The following FBN1 variants were observed in gnomAD, a reference collection of about 807,000 sequenced individuals.
The protein encoded by FBN1 is fibrillin 1, also known as fibrillin-1.
In FBN1, 29 loss-of-function variants were observed where a neutral mutation model predicts 365.1. That is an observed-to-expected ratio of 0.08 (90% CI 0.06 to 0.11). The LOEUF (loss-of-function observed/expected upper bound fraction) is 0.11, where lower values mean the gene tolerates loss of function less well. FBN1 is among the 10% of genes least tolerant of loss of function. The probability of loss-of-function intolerance (pLI) is 1.00; values close to 1 mark genes in which losing one functional copy is unlikely to be tolerated. For missense variants in FBN1, 2,476 were observed against 3,703.2 expected (o/e 0.67, Z 8.60); for synonymous variants, 1,210 against 1,270.5 (o/e 0.95, Z 1.01).
rs2043607159 is a variant in FBN1, at chr15:48,496,185, A to G, written c.2334T>C (p.Asn778=). ...ECVLNSLLCD[N]GQCRNTPGSF... ...TTCCAGGAGTATTTCTACATTGTCC[A>G]TTGTCACAAAGGAGACTGTTCAGTA... Residue 778 remains asparagine (N), a synonymous_variant, in exon 20 of 66, where the codon AAT becomes AAC. Transcript: ENST00000316623. 1.9e-6 allele frequency: 3 copies of G among 1,613,758 alleles called. No homozygotes were observed. The highest frequency in any genetic ancestry group is 2.5e-6 in the Non-Finnish European group (3 of 1,179,736).
At position 48,595,638 on chromosome 15, in the gene FBN1, C is replaced by T. The variant is rs147831983; in HGVS notation, c.538+645G>A. On this transcript the variant is annotated intron_variant, in intron 6 of 65. Transcript: ENST00000316623. ...GACTTGAAGAGACAAAACACACATTCAAATTAAAGGTTTCTTATGTATGTG... is the reference window on the plus strand; with the variant it reads ...GACTTGAAGAGACAAAACACACATTTAAATTAAAGGTTTCTTATGTATGTG... 5.2e-3 allele frequency among the ~76,000 whole-genome samples: 791 copies of T among 152,268 alleles called. 8 individuals carry two copies. The highest frequency in any genetic ancestry group is 0.019 in the African/African-American group (769 of 41,556).
chr15:48,445,946 T>C (rs1236308867), intron 47 of FBN1, among the ~76,000 whole-genome samples: 8 of 152,176 alleles, frequency 5.3e-5, no homozygotes, highest in Non-Finnish European at 8.8e-5. Flanking sequence ...TAGTATGTTT[T>C]AGAAGGAGAT....
chr15:48,461,657 G>C (rs544052795), intron 42 of FBN1, among the ~76,000 whole-genome samples: 61 of 152,118 alleles, frequency 4.0e-4, no homozygotes, highest in Non-Finnish European at 7.9e-4. Context: ...ACCTAAAGTT[G>C]TAAAGACCAT....
chr15:48,432,782 C>T, intron 55 of FBN1, 84 bp downstream of exon 55: 2 of 1,542,444 alleles, frequency 1.3e-6, no homozygotes, highest in South Asian at 1.1e-5. Flanking sequence ...TCCCAGCCTT[C>T]TCCTACTAAG....
intron 63 of FBN1, among the ~76,000 whole-genome samples, chr15:48,417,002 T>TGAAGAAAGTGAGGC (rs1295101938): frequency 1.2e-4 from 18 of 152,334 alleles, no homozygotes. Context: ...GTTTTACAGC[T>TGAAGAAAGTGAGGC]GAAGAAAGTG....
At chr15:48,547,682 G>C (rs1266824900) in intron 6 of FBN1, among the ~76,000 whole-genome samples, 1 of 148,292 alleles carries the variant, frequency 6.7e-6, no homozygotes, top group Non-Finnish European at 1.5e-5. Flanking sequence ...TGTGCTAATA[G>C]ATATGTGGTA....
chr15:48,605,935 GA>G (rs2044604443), intron 4 of FBN1, among the ~76,000 whole-genome samples: 1 of 152,026 alleles, frequency 6.6e-6, no homozygotes. Flanking sequence ...ACCTTTCACT[GA>G]AAAAGATATA....
chr15:48,567,688 T>C (rs2044267440), intron 6 of FBN1, among the ~76,000 whole-genome samples: 1 of 152,158 alleles, frequency 6.6e-6, no homozygotes, highest in Non-Finnish European at 1.5e-5. Context: ...ATACACCATA[T>C]TAATAGAATA....
intron 17 of FBN1, among the ~76,000 whole-genome samples, chr15:48,500,625 A>G (rs2043646470): frequency 6.6e-6 from 1 of 152,200 alleles, no homozygotes; most frequent in African/African-American, 2.4e-5. Flanking sequence ...GTAGGTGTTG[A>G]TGAGCTAACT....
At chr15:48,415,169 C>G (rs2042892308) in intron 64 of FBN1, among the ~76,000 whole-genome samples, 1 of 152,134 alleles carries the variant, frequency 6.6e-6, no homozygotes, top group African/African-American at 2.4e-5. Context: ...CTCCCTGCCC[C>G]AGGAGAAGAG....
chr15:48,555,074 C>T (rs1292748959), intron 6 of FBN1, among the ~76,000 whole-genome samples: 2 of 152,272 alleles, frequency 1.3e-5, no homozygotes, highest in African/African-American at 4.8e-5. Flanking sequence ...AGATGTTATG[C>T]AGTATGTTCT....
chr15:48,470,754 T>C lies in FBN1; in HGVS notation c.4339A>G (p.Ile1447Val). The part of the protein sequence containing the change: ...PSADGKACED[I>V]DECSLPNICV... ...ATGTTCGGAAGGGAGCACTCATCAA[T>C]ATCTTGGGGGGAGGGAGAAAAAAGC... Residue 1447 changes from isoleucine (I) to valine (V), a missense_variant and splice_region_variant, in exon 36 of 66, where the codon ATT (isoleucine) becomes GTT (valine). Transcript: ENST00000316623. The C allele has an allele frequency of 5.6e-6, 9 of 1,613,986 alleles. No individual in the cohort carries two copies. Among genetic ancestry groups the C allele is most frequent in the Non-Finnish European group, 7.6e-6 (9 of 1,179,986 alleles).
intron 6 of FBN1, among the ~76,000 whole-genome samples, chr15:48,591,625 C>A (rs1163855688): frequency 6.6e-6 from 1 of 152,186 alleles, no homozygotes; most frequent in Non-Finnish European, 1.5e-5. Context: ...TGCAAGAATC[C>A]TTTCTTTTGC....
At chr15:48,645,252 G>T (rs558782478) in intron 1 of FBN1, among the ~76,000 whole-genome samples, 1 of 152,278 alleles carries the variant, frequency 6.6e-6, no homozygotes, top group Non-Finnish European at 1.5e-5. Context: ...TTAGCGGCAC[G>T]AATTGCGCGC....
chr15:48,489,009 A>G lies in FBN1; in HGVS notation c.3083-516T>C, dbSNP rs59939898. 0.015 allele frequency among the ~76,000 whole-genome samples: 2,345 copies of G among 152,132 alleles called. 209 individuals carry two copies. In the East Asian group the frequency reaches 0.24, roughly 16 times the overall value. The stretch of plus-strand genomic sequence containing the variant: ...TGCAAATAATTTGTACAATTTAAAA[A>G]TATTTTCTTAATGTATATACCTTAA... On this transcript the variant is annotated intron_variant, in intron 25 of 65. Coordinates refer to ENST00000316623, the MANE Select transcript of FBN1 (RefSeq NM_000138.5).
At chr15:48,513,767 T>C in intron 12 of FBN1, 99 bp from the exon 13 acceptor site, 1 of 1,363,174 alleles carries the variant, frequency 7.3e-7, no homozygotes, top group South Asian at 1.2e-5. Context: ...CATTTTCCTT[T>C]TGAGAAATAA....
chr15:48,574,216 T>C (rs2140676624), intron 6 of FBN1, among the ~76,000 whole-genome samples: 1 of 152,292 alleles, frequency 6.6e-6, no homozygotes, highest in East Asian at 1.9e-4. Context: ...GAGATAAGTA[T>C]AGACAGTGAA....
intron 6 of FBN1, among the ~76,000 whole-genome samples, chr15:48,563,198 T>G (rs1402687559): frequency 6.6e-6 from 1 of 152,132 alleles, no homozygotes; most frequent in African/African-American, 2.4e-5. Flanking sequence ...GCACTGAAGA[T>G]ATGGGTGAAA....
rs1235493231 is a variant in FBN1, at chr15:48,433,122, G to A, written c.6617-134C>T. 3.3e-6 allele frequency: 3 copies of A among 902,142 alleles called. No homozygotes were observed. The African/African-American group carries it at 4.9e-5, about 15-fold the overall frequency. The allele number at this position is 902,142 out of a possible 1,614,324, so 55.9% of individuals were successfully genotyped here. A position where few individuals can be genotyped will look rare whatever the true frequency, so the allele number is the denominator to read the frequency against. On this transcript the variant is annotated intron_variant, in intron 54 of 65. Transcript: ENST00000316623. The stretch of plus-strand genomic sequence containing the variant: ...GTCATAAACATGGATGGATCAAGTG[G>A]TCTCCCATTTCCCGGAAATTATAAA...
Sources: allele counts gnomAD v4.1 joint callset (sites outside exome capture counted in the v4.1 genomes callset), GRCh38; gene constraint gnomAD v4.1.1; transcripts MANE v1.5; gene names NCBI Gene and HGNC (gene_info 2026-07-23, HGNC 2026-07-21).